KBTBD13: variants seen among roughly 807,000 people sequenced by gnomAD.
The protein encoded by KBTBD13 is kelch repeat and BTB domain containing 13.
A neutral mutation model predicts 25.4 loss-of-function variants in KBTBD13; 32 were observed. That is an observed-to-expected ratio of 1.26 (90% CI 0.95 to 1.69). The LOEUF is 1.69. Ranked by LOEUF, KBTBD13 falls within the 40% of genes most tolerant of loss-of-function variation. The pLI is 0.00. For synonymous variants in KBTBD13, 436 were observed against 329.8 expected, an observed-to-expected ratio of 1.32 and a Z score of -3.49; for missense variants, 898 against 679.5, an observed-to-expected ratio of 1.32 and a Z score of -3.57.
chr15:65,079,288 C>T lies in KBTBD13; in HGVS notation c.*1096C>T, dbSNP rs904040095. On this transcript the variant is annotated 3_prime_UTR_variant, in exon 1 of 1. Transcript: ENST00000432196. ...CTGTCCTATTCTGCCCTTTGCAATT[C>T]CCTGGGCTGGAATGCCTAGTCTCCT... Among the ~76,000 whole-genome samples the T allele has an allele frequency of 6.6e-6, 1 of 152,188 alleles. No individual in the cohort carries two copies. Among genetic ancestry groups the T allele is most frequent in the East Asian group, 1.9e-4 (1 of 5,196 alleles).
In KBTBD13 at chr15:65,078,837, G is replaced by A. The variant is rs928003856; in HGVS notation, c.*645G>A. Among the ~76,000 whole-genome samples the A allele has an allele frequency of 1.3e-5, 2 of 152,246 alleles. No individual in the cohort carries two copies. The highest frequency in any genetic ancestry group is 2.9e-5 in the Non-Finnish European group (2 of 68,052). Reference sequence around the variant, plus strand: ...AGTGTGCAAACTCTATGGAGGAGATGAGCAGGATACCATTAGCTGCTGAAA... The same window carrying A: ...AGTGTGCAAACTCTATGGAGGAGATAAGCAGGATACCATTAGCTGCTGAAA... On this transcript the variant is annotated 3_prime_UTR_variant, in exon 1 of 1. Coordinates refer to ENST00000432196, the MANE Select transcript of KBTBD13 (RefSeq NM_001101362.3).
rs761641243 is a variant in KBTBD13 at position 65,077,909 on chromosome 15, T to C, written c.1094T>C (p.Leu365Pro). The change falls in exon 1 of 1, where the codon CTG becomes CCG. Residue 365 changes from leucine to proline, a missense_variant. Leu to Pro is a moderately conservative substitution (Grantham distance 98). Coordinates refer to ENST00000432196, the MANE Select transcript of KBTBD13 (RefSeq NM_001101362.3). Reference protein sequence around the residue: ...VVRNGPSDDFLHCAIDCLNLA... With the variant: ...VVRNGPSDDFPHCAIDCLNLA... ...CGCAACGGACCTTCCGACGACTTCC[T>C]GCACTGCGCCATCGACTGTCTCAAC... 3 of 1,611,964 alleles carry C rather than the reference T, an allele frequency of 1.9e-6. No homozygotes were observed. In the South Asian group the frequency reaches 3.3e-5, roughly 18 times the overall value.
In KBTBD13 at chr15:65,076,746, A is replaced by G; in HGVS notation, c.-70A>G. On this transcript the variant is annotated 5_prime_UTR_variant, in exon 1 of 1. Coordinates refer to ENST00000432196, the MANE Select transcript of KBTBD13 (RefSeq NM_001101362.3). Reference sequence around the variant, plus strand: ...AGCCCCCAGGGAAGTTTTTTGCTCCAGGGGAGCCCCAGAGTTGGTGGCTGG... The same window carrying G: ...AGCCCCCAGGGAAGTTTTTTGCTCCGGGGGAGCCCCAGAGTTGGTGGCTGG... 1.4e-6 allele frequency: 2 copies of G among 1,421,852 alleles called. No individual in the cohort carries two copies. The highest frequency in any genetic ancestry group is 2.8e-5 in the South Asian group (2 of 70,950). 88.1% of individuals were successfully genotyped at this position (1,421,852 alleles called of 1,614,324 possible).
Position 65,077,926 on chromosome 15 carries a change from T to G in KBTBD13, c.1111T>G (p.Cys371Gly). ...SDDFLHCAID[C>G]LNLATGQWTA... The stretch of plus-strand genomic sequence containing the variant: ...CGACTTCCTGCACTGCGCCATCGAC[T>G]GTCTCAACCTGGCCACGGGCCAGTG... Residue 371 changes from cysteine to glycine, a missense_variant, in exon 1 of 1, where the codon TGT becomes GGT. Cys to Gly is a radical substitution (Grantham distance 159). Transcript: ENST00000432196. 6.2e-7 allele frequency: 1 copy of G among 1,611,968 alleles called. No homozygotes were observed. Among genetic ancestry groups the G allele is most frequent in the East Asian group, 2.2e-5 (1 of 44,864 alleles).
In KBTBD13 at chr15:65,078,818, C is replaced by T. The variant is rs1449851441; in HGVS notation, c.*626C>T. Among the ~76,000 whole-genome samples the T allele has an allele frequency of 6.6e-6, 1 of 152,134 alleles. No individual in the cohort carries two copies. Among genetic ancestry groups the T allele is most frequent in the Non-Finnish European group, 1.5e-5 (1 of 68,030 alleles). ...TAACTCCAGAAAAGAAGAGAGTGTG[C>T]AAACTCTATGGAGGAGATGAGCAGG... On this transcript the variant is annotated 3_prime_UTR_variant, in exon 1 of 1. Coordinates refer to ENST00000432196, the MANE Select transcript of KBTBD13 (RefSeq NM_001101362.3).
In KBTBD13 at chr15:65,076,790, G is replaced by C. The variant is rs370216656; in HGVS notation, c.-26G>C. Reference sequence around the variant, plus strand: ...TGGCTGGCTAACCCAAGGCCCCAGCGGCAGCCTCCGCCCGGCCAGCTCGCC... The same window carrying C: ...TGGCTGGCTAACCCAAGGCCCCAGCCGCAGCCTCCGCCCGGCCAGCTCGCC... On this transcript the variant is annotated 5_prime_UTR_variant, in exon 1 of 1. Transcript: ENST00000432196. 9.4e-6 allele frequency: 14 copies of C among 1,494,106 alleles called. No individual in the cohort carries two copies. The highest frequency in any genetic ancestry group is 1.2e-5 in the Non-Finnish European group (14 of 1,122,664). The allele number at this position is 1,494,106 out of a possible 1,614,324, so 92.6% of individuals were successfully genotyped here. A position where few individuals can be genotyped will look rare whatever the true frequency, so the allele number is the denominator to read the frequency against.
chr15:65,077,251 C>A lies in KBTBD13; in HGVS notation c.436C>A (p.Arg146Ser), dbSNP rs922207893. 46 of 1,414,052 alleles carry A rather than the reference C, an allele frequency of 3.3e-5. No homozygotes were observed. Among genetic ancestry groups the A allele is most frequent in the Non-Finnish European group, 4.1e-5 (45 of 1,088,476 alleles). 87.6% of individuals were successfully genotyped at this position (1,414,052 alleles called of 1,614,324 possible). The change falls in exon 1 of 1, where the codon CGC (arginine) becomes AGC (serine). Residue 146 changes from arginine to serine, a missense_variant. Coordinates refer to ENST00000432196, the MANE Select transcript of KBTBD13 (RefSeq NM_001101362.3). The part of the protein sequence containing the change: ...LAAELALPEA[R>S]AYVAALRPSS... ...GGCCGAACTGGCGCTGCCTGAGGCC[C>A]GCGCCTACGTGGCGGCCCTGCGGCC...
At position 65,079,204 on chromosome 15, in the gene KBTBD13, C is replaced by T. The variant is rs1348072966; in HGVS notation, c.*1012C>T. On this transcript the variant is annotated 3_prime_UTR_variant, in exon 1 of 1. Coordinates refer to ENST00000432196, the MANE Select transcript of KBTBD13 (RefSeq NM_001101362.3). ...AGGTCAGTTGAGGTATGAGCCAAAT[C>T]CTGCCTCATCTTCCTCAGTTGTAGC... 6.6e-6 allele frequency among the ~76,000 whole-genome samples: 1 copy of T among 152,184 alleles called. No homozygotes were observed. Among genetic ancestry groups the T allele is most frequent in the African/African-American group, 2.4e-5 (1 of 41,438 alleles).
In KBTBD13 at chr15:65,076,889, T is replaced by C; in HGVS notation, c.74T>C (p.Leu25Pro). The C allele has an allele frequency of 1.3e-6, 2 of 1,565,998 alleles. No individual in the cohort carries two copies. The highest frequency in any genetic ancestry group is 1.2e-5 in the South Asian group (1 of 85,848). The change falls in exon 1 of 1, where the codon CTG becomes CCG. Residue 25 changes from leucine (L) to proline (P), a missense_variant. By Grantham distance (98) the Leu-to-Pro change is moderately conservative. Transcript: ENST00000432196. ...GQLFQADRAL[L>P]VEHCGFFRGL... ...CTCTTCCAAGCCGACCGCGCCCTGC[T>C]GGTGGAGCACTGTGGCTTCTTCCGA...
rs186889885 is a variant in KBTBD13, at chr15:65,078,057, C to T, written c.1242C>T (p.Tyr414=). The T allele has an allele frequency of 1.9e-4, 311 of 1,601,304 alleles. No individual in the cohort carries two copies. The highest frequency in any genetic ancestry group is 2.6e-4 in the Non-Finnish European group (305 of 1,179,144). The change falls in exon 1 of 1, where the codon TAC becomes TAT. Residue 414 remains tyrosine (Y), a synonymous_variant. Transcript: ENST00000432196. ...TCAACCGCATGTTCACGCTGCTCTA[C>T]GCCATCGAGGGCGGCACCTGGCGGC... The part of the protein sequence containing the change: ...YTVNRMFTLL[Y]AIEGGTWRLL...
In KBTBD13 at chr15:65,077,191, G is replaced by A. The variant is rs1424500883; in HGVS notation, c.376G>A (p.Ala126Thr). The A allele has an allele frequency of 2.0e-6, 3 of 1,479,246 alleles. No homozygotes were observed. Among genetic ancestry groups the A allele is most frequent in the Admixed American group, 4.5e-5 (2 of 43,988 alleles). The allele number at this position is 1,479,246 out of a possible 1,614,324, so 91.6% of individuals were successfully genotyped here. Residue 126 changes from alanine to threonine, a missense_variant, in exon 1 of 1, where the codon GCG (alanine) becomes ACG (threonine). Ala to Thr is a moderately conservative substitution (Grantham distance 58). Transcript: ENST00000432196. ...FGLRDVFHSA[A>T]LFICDGEREL... ...CCTGCGCGACGTGTTCCACAGTGCC[G>A]CGCTCTTCATCTGCGACGGCGAGCG...
Position 65,077,144 on chromosome 15 carries a change from G to A in KBTBD13, c.329G>A (p.Cys110Tyr), listed in dbSNP as rs1479308750. 1.8e-5 allele frequency: 27 copies of A among 1,515,542 alleles called. No homozygotes were observed. The Admixed American group carries it at 4.5e-4, about 25-fold the overall frequency. 93.9% of individuals were successfully genotyped at this position (1,515,542 alleles called of 1,614,324 possible). The change falls in exon 1 of 1, where the codon TGC (cysteine) becomes TAC (tyrosine). Residue 110 changes from cysteine (C) to tyrosine (Y), a missense_variant. Cys to Tyr is a radical substitution (Grantham distance 194, BLOSUM62 -2). Coordinates refer to ENST00000432196, the MANE Select transcript of KBTBD13 (RefSeq NM_001101362.3). The stretch of plus-strand genomic sequence containing the variant: ...ACGTCGGACAACTGCGCATTGCTGT[G>A]CGACGCGGCCGCCGCCTTCGGCCTG... ...NLTSDNCALL[C>Y]DAAAAFGLRD...
chr15:65,077,401 G>C lies in KBTBD13; in HGVS notation c.586G>C (p.Glu196Gln). 1 of 1,522,650 alleles carries C rather than the reference G, an allele frequency of 6.6e-7. No homozygotes were observed. The highest frequency in any genetic ancestry group is 8.8e-7 in the Non-Finnish European group (1 of 1,138,644). 94.3% of individuals were successfully genotyped at this position (1,522,650 alleles called of 1,614,324 possible). A position where few individuals can be genotyped will look rare whatever the true frequency, so the allele number is the denominator to read the frequency against. ...GCGCACGCTGGCTGCGCTGCCCCTG[G>C]AGGCCAGCACGTTGCTGGCCGGGGT... ...AWRTLAALPL[E>Q]ASTLLAGVAT... The change falls in exon 1 of 1, where the codon GAG (glutamate) becomes CAG (glutamine). Residue 196 changes from glutamate to glutamine, a missense_variant. Coordinates refer to ENST00000432196, the MANE Select transcript of KBTBD13 (RefSeq NM_001101362.3).
chr15:65,078,679 T>C lies in KBTBD13; in HGVS notation c.*487T>C, dbSNP rs2087013279. ...GACAACAAAAAGGTTTACACACAAC[T>C]TGATCCACAGAGTTGAAGGCAACAT... On this transcript the variant is annotated 3_prime_UTR_variant, in exon 1 of 1. Transcript: ENST00000432196. Among the ~76,000 whole-genome samples the C allele has an allele frequency of 6.6e-6, 1 of 152,088 alleles. No individual in the cohort carries two copies. The highest frequency in any genetic ancestry group is 1.5e-5 in the Non-Finnish European group (1 of 68,018).
In KBTBD13 at chr15:65,077,941, AC is replaced by A. The variant is rs771642817; in HGVS notation, c.1127del (p.Thr376ArgfsTer66). Reference sequence around the variant, plus strand: ...CGCCATCGACTGTCTCAACCTGGCCACGGGCCAGTGGACGGCGCTGCCCGGC... The same window carrying A: ...CGCCATCGACTGTCTCAACCTGGCCAGGGCCAGTGGACGGCGCTGCCCGGC... ...HCAIDCLNLA[T>X]GQWTALPGQF... is the part of the protein sequence containing the mutation. On this transcript the variant is annotated frameshift_variant, in exon 1 of 1. Coordinates refer to ENST00000432196, the MANE Select transcript of KBTBD13 (RefSeq NM_001101362.3). LOFTEE classifies it high-confidence loss of function. 6.2e-7 allele frequency: 1 copy of A among 1,611,678 alleles called. No homozygotes were observed. Among genetic ancestry groups the A allele is most frequent in the Non-Finnish European group, 8.5e-7 (1 of 1,179,770 alleles).
chr15:65,077,086 C>T lies in KBTBD13; in HGVS notation c.271C>T (p.Pro91Ser). The T allele has an allele frequency of 6.6e-7, 1 of 1,521,686 alleles. No homozygotes were observed. Among genetic ancestry groups the T allele is most frequent in the Non-Finnish European group, 8.8e-7 (1 of 1,138,830 alleles). The allele number at this position is 1,521,686 out of a possible 1,614,324, so 94.3% of individuals were successfully genotyped here. ...GGAGTGCGCCGCCTTCCTCCAGGCGCCGGCGCTGGCTCGCTTTCTGGAGCA... is the reference window on the plus strand; with the variant it reads ...GGAGTGCGCCGCCTTCCTCCAGGCGTCGGCGCTGGCTCGCTTTCTGGAGCA... ...AVECAAFLQAPALARFLEHNL... is the reference protein window; with the variant it reads ...AVECAAFLQASALARFLEHNL... The change falls in exon 1 of 1, where the codon CCG (proline) becomes TCG (serine). Residue 91 changes from proline (P) to serine (S), a missense_variant. By Grantham distance (74) the Pro-to-Ser change is moderately conservative. Coordinates refer to ENST00000432196, the MANE Select transcript of KBTBD13 (RefSeq NM_001101362.3).
rs1002052042 is a variant in KBTBD13, at chr15:65,076,785, C to T, written c.-31C>T. On this transcript the variant is annotated 5_prime_UTR_variant, in exon 1 of 1. Transcript: ENST00000432196. ...GTTGGTGGCTGGCTAACCCAAGGCC[C>T]CAGCGGCAGCCTCCGCCCGGCCAGC... 2.0e-6 allele frequency: 3 copies of T among 1,490,052 alleles called. No individual in the cohort carries two copies. The highest frequency in any genetic ancestry group is 2.6e-5 in the South Asian group (2 of 77,604). The allele number at this position is 1,490,052 out of a possible 1,614,324, so 92.3% of individuals were successfully genotyped here.
rs1162054356 is a variant in KBTBD13 at position 65,076,977 on chromosome 15, C to T, written c.162C>T (p.Ser54=). ...CAGAGGTGCGCCTGGGCGTTCTGAG[C>T]GCGGGAGGTTTCCGCGCCACGCTGC... ...RAAEVRLGVL[S]AGGFRATLQV... The change falls in exon 1 of 1, where the codon AGC becomes AGT. Residue 54 remains serine (S), a synonymous_variant. Coordinates refer to ENST00000432196, the MANE Select transcript of KBTBD13 (RefSeq NM_001101362.3). 5.2e-6 allele frequency: 8 copies of T among 1,541,418 alleles called. No homozygotes were observed. Among genetic ancestry groups the T allele is most frequent in the East Asian group, 4.8e-5 (2 of 41,342 alleles).
chr15:65,077,910 G>A lies in KBTBD13; in HGVS notation c.1095G>A (p.Leu365=). The change falls in exon 1 of 1, where the codon CTG becomes CTA. Residue 365 remains leucine, a synonymous_variant. Coordinates refer to ENST00000432196, the MANE Select transcript of KBTBD13 (RefSeq NM_001101362.3). ...VVRNGPSDDF[L]HCAIDCLNLA... is the part of the protein sequence containing the mutation. The stretch of plus-strand genomic sequence containing the variant: ...GCAACGGACCTTCCGACGACTTCCT[G>A]CACTGCGCCATCGACTGTCTCAACC... 4 of 1,611,946 alleles carry A rather than the reference G, an allele frequency of 2.5e-6. No individual in the cohort carries two copies. The highest frequency in any genetic ancestry group is 3.4e-6 in the Non-Finnish European group (4 of 1,179,798).
Sources: allele counts gnomAD v4.1 joint callset (sites outside exome capture counted in the v4.1 genomes callset), GRCh38; gene constraint gnomAD v4.1.1; transcripts MANE v1.5; gene names NCBI Gene and HGNC (gene_info 2026-07-23, HGNC 2026-07-21).